ATM: variants seen among roughly 807,000 people sequenced by gnomAD.
ATM encodes serine-protein kinase ATM.
A neutral mutation model predicts 387.0 loss-of-function variants in ATM; 308 were observed. The observed-to-expected ratio is 0.80, with a 90% confidence interval of 0.73 to 0.87. The LOEUF (loss-of-function observed/expected upper bound fraction) is 0.87. ATM is among the 40% of genes least tolerant of loss of function. The pLI is 0.00. For missense variants in ATM, 3,312 were observed against 3,560.9 expected (o/e 0.93, Z 1.78); for synonymous variants, 1,156 against 1,187.3 (o/e 0.97, Z 0.54).
At chr11:108,319,848 G>T in intron 43 of ATM, 106 bp from the exon 44 acceptor site, 1 of 763,614 alleles carries the variant, frequency 1.3e-6, no homozygotes, top group South Asian at 1.7e-5. Context: ...TTTTTAGAAT[G>T]GAGAAATGTT....
In ATM at chr11:108,304,995, A is replaced by G. The variant is rs1053145803; in HGVS notation, c.5674+143A>G. ...TTTCTTCATCTATGGAATGGAGATA[A>G]AAGTTGCCAACAGTTGCAACAAGTT... On this transcript the variant is annotated intron_variant, in intron 37 of 62. Coordinates refer to ENST00000675843, the MANE Select transcript of ATM (RefSeq NM_000051.4). 2.9e-6 allele frequency: 3 copies of G among 1,045,146 alleles called. No individual in the cohort carries two copies. The Admixed American group carries it at 6.7e-5, about 23-fold the overall frequency. 64.7% of individuals were successfully genotyped at this position (1,045,146 alleles called of 1,614,324 possible). A position where few individuals can be genotyped will look rare whatever the true frequency, so the allele number is the denominator to read the frequency against.
At position 108,365,553 on chromosome 11, in the gene ATM, T is replaced by A. The variant is rs375136432; in HGVS notation, c.*45T>A. On this transcript the variant is annotated 3_prime_UTR_variant, in exon 63 of 63. Coordinates refer to ENST00000675843, the MANE Select transcript of ATM (RefSeq NM_000051.4). Reference sequence around the variant, plus strand: ...CCTTTCATTCAGCCTTTAGAAATTATATTTTAGCCTTTATTTTTAACCTGC... The same window carrying A: ...CCTTTCATTCAGCCTTTAGAAATTAAATTTTAGCCTTTATTTTTAACCTGC... 1 of 1,586,480 alleles carries A rather than the reference T, an allele frequency of 6.3e-7. No homozygotes were observed. The highest frequency in any genetic ancestry group is 8.6e-7 in the Non-Finnish European group (1 of 1,162,938).
At chr11:108,325,273 T>C in intron 45 of ATM, 37 bp from the exon 46 acceptor site, 1 of 1,039,772 alleles carries the variant, frequency 9.6e-7, no homozygotes, top group African/African-American at 1.7e-5. Flanking sequence ...TTTTTTCATT[T>C]CTCTTGCTTA....
At chr11:108,259,592 T>A (rs1002267818) in intron 16 of ATM, among the ~76,000 whole-genome samples, 10 of 152,250 alleles carry the variant, frequency 6.6e-5, no homozygotes. Flanking sequence ...AGCATAGTAG[T>A]GCCTGCCTTT....
chr11:108,362,566 T>C (rs1370160817), intron 61 of ATM, among the ~76,000 whole-genome samples: 1 of 149,394 alleles, frequency 6.7e-6, no homozygotes, highest in Admixed American at 6.7e-5. Flanking sequence ...CCAACAATGA[T>C]AGACTGGATT....
In ATM at chr11:108,289,069, T is replaced by A. The variant is rs1555096975; in HGVS notation, c.4202T>A (p.Leu1401Ter). 1 of 1,611,784 alleles carries A rather than the reference T, an allele frequency of 6.2e-7. No homozygotes were observed. Among genetic ancestry groups the A allele is most frequent in the Non-Finnish European group, 8.5e-7 (1 of 1,178,102 alleles). The change falls in exon 28 of 63, where the codon TTA becomes TAA. Residue 1401 changes from leucine to a stop codon, truncating the protein, a stop_gained. Transcript: ENST00000675843. LOFTEE classifies it high-confidence loss of function. ...ATCAGCAATTGTCATAAAACCAAGT[T>A]AAAAAGCATTTTAGAAATTCTTTCC... ...AYISNCHKTK[L>*]KSILEILSKS...
chr11:108,300,443 T>C (rs1022286149), intron 34 of ATM, among the ~76,000 whole-genome samples: 1 of 152,230 alleles, frequency 6.6e-6, no homozygotes, highest in African/African-American at 2.4e-5. Context: ...CTTATTTATT[T>C]GTTGATTGAT....
At chr11:108,350,271 G>T (rs2089022397) in intron 59 of ATM, among the ~76,000 whole-genome samples, 3 of 152,126 alleles carry the variant, frequency 2.0e-5, no homozygotes, top group Admixed American at 2.0e-4. Flanking sequence ...GAGGGACAAG[G>T]GGACAAGGAG....
chr11:108,316,945 A>T (rs2084716065), intron 42 of ATM, among the ~76,000 whole-genome samples: 1 of 151,334 alleles, frequency 6.6e-6, no homozygotes, highest in Admixed American at 6.6e-5. Context: ...TAAATAAATA[A>T]ATTTTAGAGA....
chr11:108,333,489 C>T (rs768181113), intron 53 of ATM, among the ~76,000 whole-genome samples: 8 of 152,060 alleles, frequency 5.3e-5, no homozygotes, highest in African/African-American at 7.2e-5. Flanking sequence ...TACTTGAAAA[C>T]GAATGGGACT....
chr11:108,279,103 AC>A, intron 22 of ATM, among the ~76,000 whole-genome samples: 1 of 152,348 alleles, frequency 6.6e-6, no homozygotes, highest in Non-Finnish European at 1.5e-5. Context: ...ACATTAACTT[AC>A]CCGCTTTCAG....
chr11:108,303,114 CATA>C, intron 36 of ATM, 85 bp downstream of exon 36: 1 of 1,273,670 alleles, frequency 7.9e-7, no homozygotes, highest in Admixed American at 1.8e-5. Flanking sequence ...ATCATCTTCA[CATA>C]ATATCACCCC....
intron 58 of ATM, among the ~76,000 whole-genome samples, chr11:108,346,990 AG>A (rs2088500347): frequency 6.6e-6 from 1 of 152,166 alleles, no homozygotes; most frequent in Admixed American, 6.5e-5. Context: ...TCTCAACTTT[AG>A]CCACAATAAT....
At position 108,252,902 on chromosome 11, in the gene ATM, G is replaced by C. The variant is rs148191382; in HGVS notation, c.1888G>C (p.Val630Leu). 6 of 1,609,442 alleles carry C rather than the reference G, an allele frequency of 3.7e-6. No individual in the cohort carries two copies. The highest frequency in any genetic ancestry group is 8.5e-7 in the Non-Finnish European group (1 of 1,176,302). ...CKAAMNFFQSVPECEHHQKDK... is the reference protein window; with the variant it reads ...CKAAMNFFQSLPECEHHQKDK... ...AGCTGCAATGAATTTTTTCCAAAGC[G>C]TGCCAGAATGGTATGTTATCTAATA... Residue 630 changes from valine to leucine, a missense_variant, in exon 12 of 63, where the codon GTG (valine) becomes CTG (leucine). Physicochemically the swap from Val to Leu is conservative, Grantham distance 32. Coordinates refer to ENST00000675843, the MANE Select transcript of ATM (RefSeq NM_000051.4).
rs1555120990 is a variant in ATM at position 108,327,681 on chromosome 11, C to T, written c.7012C>T (p.Leu2338=). 1 of 1,614,020 alleles carries T rather than the reference C, an allele frequency of 6.2e-7. No homozygotes were observed. The highest frequency in any genetic ancestry group is 8.5e-7 in the Non-Finnish European group (1 of 1,179,952). Residue 2338 remains leucine, a synonymous_variant, in exon 48 of 63, where the codon CTG becomes TTG. Coordinates refer to ENST00000675843, the MANE Select transcript of ATM (RefSeq NM_000051.4). ...CCTAAAACTTACATACACAGAATGTCTGAGGGTTTGTGGCAACTGGTTAGC... is the reference window on the plus strand; with the variant it reads ...CCTAAAACTTACATACACAGAATGTTTGAGGGTTTGTGGCAACTGGTTAGC... ...PSLKLTYTEC[L]RVCGNWLAET...
intron 16 of ATM, among the ~76,000 whole-genome samples, chr11:108,266,536 G>T (rs2081253359): frequency 6.6e-6 from 1 of 150,738 alleles, no homozygotes; most frequent in East Asian, 2.0e-4. Flanking sequence ...CCTAATGCTA[G>T]ATGACGAGTT....
At chr11:108,254,148 A>C in intron 13 of ATM, 109 bp downstream of exon 13, 1 of 1,047,860 alleles carries the variant, frequency 9.5e-7, no homozygotes, top group Non-Finnish European at 1.4e-6. Flanking sequence ...GGGAGGCTTC[A>C]TTTTAAAAGC....
At chr11:108,227,344 T>C in intron 1 of ATM, 1 of 387,706 alleles carries the variant, frequency 2.6e-6, no homozygotes, top group Non-Finnish European at 4.7e-6. Flanking sequence ...CTGCTACTAC[T>C]GCAAGCAAGG....
rs1057520227 is a variant in ATM at position 108,267,293 on chromosome 11, T to C, written c.2589T>C (p.Asp863=). Residue 863 remains aspartate, a synonymous_variant, in exon 17 of 63, where the codon GAT becomes GAC. Transcript: ENST00000675843. ...TGAATCTATTTAACGATTACCCTGA[T>C]AGTAGTGTTAGTGATGCAAACGAAC... is the stretch of plus-strand genomic sequence containing the variant. The part of the protein sequence containing the change: ...SSMNLFNDYP[D]SSVSDANEPG... The C allele has an allele frequency of 1.2e-6, 2 of 1,613,982 alleles. No individual in the cohort carries two copies. Among genetic ancestry groups the C allele is most frequent in the Non-Finnish European group, 1.7e-6 (2 of 1,179,996 alleles).
Sources: gnomAD v4.1 joint callset for allele counts (sites outside exome capture counted in the v4.1 genomes callset) on GRCh38, gnomAD v4.1.1 for gene constraint, MANE v1.5 for transcripts, NCBI Gene and HGNC (gene_info 2026-07-23, HGNC 2026-07-21) for gene names.